The following SPON2 variants were observed in gnomAD, a reference collection of about 807,000 sequenced individuals.
SPON2 encodes the protein spondin 2.
A neutral mutation model predicts 29.9 loss-of-function variants in SPON2; 32 were observed. That is an observed-to-expected ratio of 1.07 (90% CI 0.81 to 1.44). SPON2 has a LOEUF of 1.44. Among genes scored for constraint, SPON2 ranks in the 40% most tolerant of loss-of-function variants. The pLI is 0.00. For missense variants in SPON2, 541 were observed against 455.5 expected (o/e 1.19, Z -1.71); for synonymous variants, 248 against 209.1 (o/e 1.19, Z -1.61).
At position 1,171,996 on chromosome 4, in the gene SPON2, C is replaced by G. The variant is rs1727473646; in HGVS notation, c.76G>C (p.Gly26Arg). 1 of 1,612,712 alleles carries G rather than the reference C, an allele frequency of 6.2e-7. No individual in the cohort carries two copies. The highest frequency in any genetic ancestry group is 8.5e-7 in the Non-Finnish European group (1 of 1,179,886). The change falls in exon 2 of 6, where the codon GGC becomes CGC. Residue 26 changes from glycine (G) to arginine (R), a missense_variant. Gly to Arg is a moderately radical substitution (Grantham distance 125). Transcript: ENST00000290902. ...ALLLATLGAA[G>R]QPLGGESICS... Reference sequence around the variant, plus strand: ...ATGGACTCTCCCCCAAGAGGCTGGCCGGCGGCGCCGAGAGTGGCCAGGAGG... The same window carrying G: ...ATGGACTCTCCCCCAAGAGGCTGGCGGGCGGCGCCGAGAGTGGCCAGGAGG...
upstream of SPON2, among the ~76,000 whole-genome samples, chr4:1,175,441 C>T (rs768020107): frequency 5.3e-5 from 8 of 152,050 alleles, no homozygotes; most frequent in Non-Finnish European, 8.8e-5. Context: ...GTGAGCTCTG[C>T]GACCTGGGGC....
chr4:1,195,198 G>C (rs547759566), upstream of SPON2: 1 of 152,256 alleles, frequency 6.6e-6, no homozygotes, highest in African/African-American at 2.4e-5. Context: ...CCCCACCGCC[G>C]TCCTCTGGAG....
At position 1,171,227 on chromosome 4, in the gene SPON2, C is replaced by T. The variant is rs532327344; in HGVS notation, c.444+36G>A. The T allele has an allele frequency of 2.0e-5, 29 of 1,433,742 alleles. No homozygotes were observed. In the Admixed American group the frequency reaches 8.4e-4, roughly 42 times the overall value. The allele number at this position is 1,433,742 out of a possible 1,614,324, so 88.8% of individuals were successfully genotyped here. A position where few individuals can be genotyped will look rare whatever the true frequency, so the allele number is the denominator to read the frequency against. ...GCGGCTCAGCGCGCCTGGCCCCGGCCCCCCGGACCCCGCCCCCGGCCGGCC... is the reference window on the plus strand; with the variant it reads ...GCGGCTCAGCGCGCCTGGCCCCGGCTCCCCGGACCCCGCCCCCGGCCGGCC... On this transcript the variant is annotated intron_variant, in intron 3 of 5. Coordinates refer to ENST00000290902, the MANE Select transcript of SPON2 (RefSeq NM_012445.4).
chr4:1,170,124 CT>C (rs1177844438), intron 5 of SPON2: 1 of 390,394 alleles, frequency 2.6e-6, no homozygotes, highest in Non-Finnish European at 4.6e-6. Context: ...GGGTGCGTGT[CT>C]GACAGGACAG....
chr4:1,193,641 G>A (rs1366408228), intron 1 of SPON2, among the ~76,000 whole-genome samples: 1 of 51,664 alleles, frequency 1.9e-5, no homozygotes, highest in Non-Finnish European at 4.8e-5. Context: ...TGGGAAGGAT[G>A]TGGAGGGGGC....
Position 1,171,930 on chromosome 4 carries a change from T to C in SPON2, c.142A>G (p.Thr48Ala). 1.2e-6 allele frequency: 2 copies of C among 1,612,640 alleles called. No homozygotes were observed. The highest frequency in any genetic ancestry group is 2.7e-5 in the African/African-American group (2 of 74,950). ...RALAKYSITF[T>A]GKWSQTAFPK... Reference sequence around the variant, plus strand: ...AAGGCCGTCTGGCTCCACTTGCCCGTGAAGGTGATGCTGTATTTGGCCAGG... The same window carrying C: ...AAGGCCGTCTGGCTCCACTTGCCCGCGAAGGTGATGCTGTATTTGGCCAGG... The change falls in exon 2 of 6, where the codon ACG becomes GCG. Residue 48 changes from threonine (T) to alanine (A), a missense_variant. By Grantham distance (58) the Thr-to-Ala change is moderately conservative (BLOSUM62 0). Transcript: ENST00000290902.
At chr4:1,176,989 G>A (rs1037177823), upstream of SPON2, among the ~76,000 whole-genome samples, 1 of 152,238 alleles carries the variant, frequency 6.6e-6, no homozygotes, top group Non-Finnish European at 1.5e-5. Context: ...GCAGGGGGCT[G>A]GGGTGGAGTG....
intron 1 of SPON2, among the ~76,000 whole-genome samples, chr4:1,206,350 G>A (rs56331137): frequency 0.056 from 8,538 of 152,324 alleles, 359 homozygotes; most frequent in Non-Finnish European, 0.091. Flanking sequence ...GGCCTAGGCC[G>A]AGCTGAAGGG....
At position 1,170,221 on chromosome 4, in the gene SPON2, G is replaced by C. The variant is rs188937863; in HGVS notation, c.811+181C>G. On this transcript the variant is annotated intron_variant, in intron 5 of 5. Transcript: ENST00000290902. The stretch of plus-strand genomic sequence containing the variant: ...AGATGCTTTCAACTGCAAATAATGT[G>C]CAAGAGTCACATCTTCAGTGTGTGA... The C allele has an allele frequency of 9.0e-5, 60 of 667,656 alleles. No homozygotes were observed. In the African/African-American group the frequency reaches 9.7e-4, roughly 11 times the overall value. The allele number at this position is 667,656 out of a possible 1,614,324, so 41.4% of individuals were successfully genotyped here. A position where few individuals can be genotyped will look rare whatever the true frequency, so the allele number is the denominator to read the frequency against.
At chr4:1,176,944 G>A (rs1374711213), upstream of SPON2, among the ~76,000 whole-genome samples, 6 of 152,156 alleles carry the variant, frequency 3.9e-5, no homozygotes, top group East Asian at 1.2e-3. Context: ...TCTCAGAGAT[G>A]GGGACAAAGG....
chr4:1,192,543 C>T (rs1727933606), intron 1 of SPON2, among the ~76,000 whole-genome samples: 1 of 152,204 alleles, frequency 6.6e-6, no homozygotes, highest in East Asian at 1.9e-4. Flanking sequence ...AAGCCTCTTC[C>T]CAGCAGCACC....
intron 1 of SPON2, among the ~76,000 whole-genome samples, chr4:1,187,999 T>G (rs1432249205): frequency 6.6e-6 from 1 of 151,174 alleles, no homozygotes; most frequent in Admixed American, 6.6e-5. Flanking sequence ...GTCAGGAATT[T>G]AAGACAAGCC....
chr4:1,190,843 G>A (rs747012618), intron 1 of SPON2, among the ~76,000 whole-genome samples: 11 of 152,100 alleles, frequency 7.2e-5, no homozygotes, highest in Admixed American at 2.0e-4. Context: ...TTAAGAAAAC[G>A]ATTCCATTTA....
chr4:1,186,136 C>G (rs894158967), intron 1 of SPON2, among the ~76,000 whole-genome samples: 6 of 148,854 alleles, frequency 4.0e-5, no homozygotes, highest in Non-Finnish European at 9.0e-5. Context: ...CCCAGCTACT[C>G]AGGAGGCTGA....
At chr4:1,168,351 G>C (rs918439035) in intron 5 of SPON2, among the ~76,000 whole-genome samples, 1 of 152,198 alleles carries the variant, frequency 6.6e-6, no homozygotes, top group Non-Finnish European at 1.5e-5. Context: ...TGCCGTGCAC[G>C]GGAGGACAGT....
chr4:1,178,542 C>G (rs1408330235), intron 2 of SPON2, among the ~76,000 whole-genome samples: 1 of 152,138 alleles, frequency 6.6e-6, no homozygotes, highest in Non-Finnish European at 1.5e-5. Context: ...GCTCACACCT[C>G]AGGGCCTTTG....
intron 1 of SPON2, among the ~76,000 whole-genome samples, chr4:1,188,119 G>A (rs765757444): frequency 7.2e-6 from 1 of 138,854 alleles, no homozygotes; most frequent in Non-Finnish European, 1.5e-5. Flanking sequence ...GCTGAGGCAG[G>A]AAAATTGCTT....
At chr4:1,204,412 AG>A (rs1728289429) in intron 1 of SPON2, among the ~76,000 whole-genome samples, 1 of 152,174 alleles carries the variant, frequency 6.6e-6, no homozygotes, top group Non-Finnish European at 1.5e-5. Flanking sequence ...CAGACCCGGG[AG>A]GGTGGCTTTG....
intron 1 of SPON2, among the ~76,000 whole-genome samples, chr4:1,205,803 C>T (rs1180245189): frequency 6.6e-6 from 1 of 152,250 alleles, no homozygotes; most frequent in Non-Finnish European, 1.5e-5. Flanking sequence ...CCTCTCACCC[C>T]TGAAGCTGTG....
Sources: gnomAD v4.1 joint callset for allele counts (sites outside exome capture counted in the v4.1 genomes callset) on GRCh38, gnomAD v4.1.1 for gene constraint, MANE v1.5 for transcripts, NCBI Gene and HGNC (gene_info 2026-07-23, HGNC 2026-07-21) for gene names.